Variants in SNAP91 observed in about 807,000 individuals in gnomAD.
The protein encoded by SNAP91 is synaptosome associated protein 91, also known as clathrin coat assembly protein AP180.
Under a neutral mutation model 100.3 loss-of-function variants are expected in SNAP91, and 27 were observed. That is an observed-to-expected ratio of 0.27 (90% CI 0.20 to 0.37). The LOEUF (loss-of-function observed/expected upper bound fraction) is 0.37. Among genes scored for constraint, SNAP91 ranks in the 10% least tolerant of loss-of-function variants. The pLI, the probability that SNAP91 is intolerant of heterozygous loss-of-function variation, is 1.00. For missense variants in SNAP91, 986 were observed against 1,123.7 expected, an observed-to-expected ratio of 0.88 and a Z score of 1.75; for synonymous variants, 404 against 398.6, an observed-to-expected ratio of 1.01 and a Z score of -0.16.
intron 26 of SNAP91, among the ~76,000 whole-genome samples, chr6:83,565,753 C>G (rs886924267): frequency 1.2e-4 from 18 of 151,912 alleles, no homozygotes; most frequent in African/African-American, 4.4e-4. Flanking sequence ...ATCAATGCCA[C>G]AATGAAATAC....
chr6:83,649,377 T>C (rs2098099039), intron 7 of SNAP91, among the ~76,000 whole-genome samples: 2 of 152,172 alleles, frequency 1.3e-5, no homozygotes, highest in South Asian at 4.1e-4. Context: ...CTACAGGCTG[T>C]CTGAGTGTCC....
chr6:83,575,134 A>T lies in SNAP91; in HGVS notation c.2331-13T>A. On this transcript the variant is annotated splice_polypyrimidine_tract_variant and intron_variant, in intron 25 of 29. Transcript: ENST00000369694. ...CTGAAGATCTCCCCTAAAATTAACC[A>T]TGCAAAACAAGCAAACAAACAAAAA... The T allele has an allele frequency of 6.4e-7, 1 of 1,552,568 alleles. No homozygotes were observed. The highest frequency in any genetic ancestry group is 8.9e-7 in the Non-Finnish European group (1 of 1,129,940).
At chr6:83,695,905 A>G (rs767462846) in intron 2 of SNAP91, among the ~76,000 whole-genome samples, 4 of 137,052 alleles carry the variant, frequency 2.9e-5, no homozygotes, top group Non-Finnish European at 6.2e-5. Flanking sequence ...AAATTAAGCA[A>G]CTCCTTTGGA....
At chr6:83,687,838 C>G (rs1023867736) in intron 2 of SNAP91, among the ~76,000 whole-genome samples, 5 of 152,040 alleles carry the variant, frequency 3.3e-5, no homozygotes, top group Admixed American at 3.3e-4. Flanking sequence ...ATTTTCCTGA[C>G]TGACTGAAGG....
At position 83,560,897 on chromosome 6, in the gene SNAP91, T is replaced by C. The variant is rs1183682669; in HGVS notation, c.2493A>G (p.Pro831=). ...TSSVPPVAGA[P]SVGQPGAGFG... is the part of the protein sequence containing the mutation. Reference sequence around the variant, plus strand: ...ATCCTGCTCCAGGTTGTCCAACCGATGGGGCCCCGGCAACAGGAGGAACTG... The same window carrying C: ...ATCCTGCTCCAGGTTGTCCAACCGACGGGGCCCCGGCAACAGGAGGAACTG... Residue 831 remains proline (P), a synonymous_variant, in exon 27 of 30, where the codon CCA becomes CCG. Transcript: ENST00000369694. 2 of 1,613,898 alleles carry C rather than the reference T, an allele frequency of 1.2e-6. No homozygotes were observed. Among genetic ancestry groups the C allele is most frequent in the Non-Finnish European group, 1.7e-6 (2 of 1,179,868 alleles).
At chr6:83,634,712 A>G (rs370189941) in intron 8 of SNAP91, among the ~76,000 whole-genome samples, 9 of 152,152 alleles carry the variant, frequency 5.9e-5, no homozygotes, top group South Asian at 4.2e-4. Context: ...TTGTTTTTCT[A>G]GTTCCTTTAT....
At chr6:83,663,218 T>G (rs906226019) in intron 3 of SNAP91, among the ~76,000 whole-genome samples, 2 of 152,058 alleles carry the variant, frequency 1.3e-5, no homozygotes, top group Non-Finnish European at 2.9e-5. Flanking sequence ...ATATTGCAAT[T>G]AAGCCAACTA....
intron 8 of SNAP91, among the ~76,000 whole-genome samples, chr6:83,624,221 A>G (rs920936985): frequency 3.3e-5 from 5 of 152,064 alleles, no homozygotes; most frequent in Non-Finnish European, 7.4e-5. Context: ...AATATTAATA[A>G]AGGTAAATCA....
At chr6:83,570,168 T>C (rs1472708039) in intron 26 of SNAP91, among the ~76,000 whole-genome samples, 5 of 152,070 alleles carry the variant, frequency 3.3e-5, no homozygotes, top group African/African-American at 1.2e-4. Context: ...AAGGTGATTC[T>C]TGTTATGTTT....
rs571846338 is a variant in SNAP91, at chr6:83,610,462, G to A, written c.912+188C>T. On this transcript the variant is annotated intron_variant, in intron 12 of 29. Coordinates refer to ENST00000369694, the MANE Select transcript of SNAP91 (RefSeq NM_001242792.2). ...TGCCAGGGGATCGGGGAGAGAGGGA[G>A]GTGGGGAGTTATTGTTTAATGGTAT... is the stretch of plus-strand genomic sequence containing the variant. Among the ~76,000 whole-genome samples the A allele has an allele frequency of 6.5e-4, 98 of 150,974 alleles. No individual in the cohort carries two copies. The South Asian group carries it at 0.014, about 22-fold the overall frequency.
intron 2 of SNAP91, chr6:83,690,237 T>C (rs2099113948): frequency 6.4e-6 from 7 of 1,091,722 alleles, no homozygotes; most frequent in Non-Finnish European, 1.1e-6. Flanking sequence ...ACTACTATGA[T>C]GAACAAATCT....
At chr6:83,654,727 G>A (rs1181494753) in intron 7 of SNAP91, among the ~76,000 whole-genome samples, 1 of 152,110 alleles carries the variant, frequency 6.6e-6, no homozygotes, top group Admixed American at 6.5e-5. Context: ...CAGTATACTC[G>A]CATATTTGTT....
At chr6:83,592,812 CAA>C (rs1400664264) in intron 20 of SNAP91, 132 bp downstream of exon 20, 12 of 781,108 alleles carry the variant, frequency 1.5e-5, no homozygotes, top group Non-Finnish European at 2.5e-5. Flanking sequence ...ATGATGGTCC[CAA>C]GAGTGAGTTT....
chr6:83,598,798 A>G (rs572174524), intron 16 of SNAP91, among the ~76,000 whole-genome samples: 4 of 152,294 alleles, frequency 2.6e-5, no homozygotes, highest in African/African-American at 9.6e-5. Context: ...TTAAAAACCA[A>G]TGAAGGCATG....
At chr6:83,619,465 T>C (rs1329141485) in intron 9 of SNAP91, among the ~76,000 whole-genome samples, 1 of 152,184 alleles carries the variant, frequency 6.6e-6, no homozygotes, top group African/African-American at 2.4e-5. Context: ...GCCTCTGCTG[T>C]TGTAAAAGGA....
intron 2 of SNAP91, among the ~76,000 whole-genome samples, chr6:83,683,378 C>T (rs547294125): frequency 2.0e-5 from 3 of 152,228 alleles, no homozygotes; most frequent in African/African-American, 2.4e-5. Flanking sequence ...TTGGGCCTTG[C>T]GGGTGGATCA....
intron 12 of SNAP91, among the ~76,000 whole-genome samples, chr6:83,609,635 G>A (rs1428004982): frequency 6.6e-6 from 1 of 152,170 alleles, no homozygotes; most frequent in Non-Finnish European, 1.5e-5. Flanking sequence ...AATGGTAAAT[G>A]TGAACTACAG....
intron 7 of SNAP91, among the ~76,000 whole-genome samples, chr6:83,655,166 A>C (rs1166194325): frequency 6.6e-6 from 1 of 152,194 alleles, no homozygotes; most frequent in Non-Finnish European, 1.5e-5. Context: ...GAAGTTTCTA[A>C]GGGCCCCAAA....
chr6:83,656,064 A>G lies in SNAP91; in HGVS notation c.658+690T>C, dbSNP rs1481841520. ...TAATTTTCCACTTTATGGTAAAGGA[A>G]AAATGGTAAGAAACATTGAACTACA... On this transcript the variant is annotated intron_variant, in intron 7 of 29. Coordinates refer to ENST00000369694, the MANE Select transcript of SNAP91 (RefSeq NM_001242792.2). Among the ~76,000 whole-genome samples the G allele has an allele frequency of 3.9e-5, 6 of 152,364 alleles. 1 individual carries two copies. The highest frequency in any genetic ancestry group is 1.9e-4 in the East Asian group (1 of 5,188).
Sources: gnomAD v4.1 joint callset for allele counts (sites outside exome capture counted in the v4.1 genomes callset) on GRCh38, gnomAD v4.1.1 for gene constraint, MANE v1.5 for transcripts, NCBI Gene and HGNC (gene_info 2026-07-23, HGNC 2026-07-21) for gene names.